The following SLC35B4 variants were observed in gnomAD, a reference collection of about 807,000 sequenced individuals.
SLC35B4 encodes the protein solute carrier family 35 member B4.
SLC35B4 carries 28 observed loss-of-function variants against 39.5 expected under a neutral mutation model. The observed-to-expected ratio is 0.71, with a 90% CI of 0.53 to 0.97. The LOEUF is 0.97. Among genes scored for constraint, SLC35B4 ranks in the 50% least tolerant of loss-of-function variants. SLC35B4 has a pLI of 0.00. For synonymous variants in SLC35B4, 145 were observed against 150.4 expected (o/e 0.96, Z 0.26); for missense variants, 334 against 414.3 (o/e 0.81, Z 1.68).
rs1157284280 is a variant in SLC35B4 at position 134,291,185 on chromosome 7, GAATA to G, written c.*3644_*3647del. ...TCAGCCTCCATTTTGAGCTGTAACAGAATAAACAAACATTTCTACATTAACCCTT... is the reference window on the plus strand; with the variant it reads ...TCAGCCTCCATTTTGAGCTGTAACAGAACAAACATTTCTACATTAACCCTT... On this transcript the variant is annotated 3_prime_UTR_variant, in exon 10 of 10. Transcript: ENST00000378509. 2.0e-5 allele frequency: 3 copies of G among 152,142 alleles called. No homozygotes were observed. The highest frequency in any genetic ancestry group is 4.4e-5 in the Non-Finnish European group (3 of 68,034). 9.4% of individuals were successfully genotyped at this position (152,142 alleles called of 1,614,324 possible).
chr7:134,312,773 G>A (rs925881526), intron 1 of SLC35B4, among the ~76,000 whole-genome samples: 1 of 152,212 alleles, frequency 6.6e-6, no homozygotes, highest in African/African-American at 2.4e-5. Context: ...AAGACGCTGA[G>A]GGTCCCATTG....
chr7:134,317,710 A>G (rs535725957), upstream of SLC35B4, among the ~76,000 whole-genome samples: 5 of 150,676 alleles, frequency 3.3e-5, no homozygotes, highest in East Asian at 9.6e-4. Context: ...TGGAATTCTC[A>G]TAGCACTTAC....
chr7:134,316,591 G>A, intron 1 of SLC35B4, 84 bp downstream of exon 1: 1 of 1,413,354 alleles, frequency 7.1e-7, no homozygotes, highest in Non-Finnish European at 9.7e-7. Context: ...GGGACAGGGC[G>A]TGGGCGCGTC....
At chr7:134,318,005 T>G (rs1372748812), upstream of SLC35B4, among the ~76,000 whole-genome samples, 1 of 152,216 alleles carries the variant, frequency 6.6e-6, no homozygotes, top group Non-Finnish European at 1.5e-5. Context: ...GGTACAAAGC[T>G]AGGTAGGATT....
At position 134,289,481 on chromosome 7, in the gene SLC35B4, T is replaced by G. The variant is rs894252486; in HGVS notation, c.*5352A>C. The G allele has an allele frequency of 6.5e-6, 1 of 152,672 alleles. No individual in the cohort carries two copies. The highest frequency in any genetic ancestry group is 1.5e-5 in the Non-Finnish European group (1 of 68,068). The allele number at this position is 152,672 out of a possible 1,614,324, so 9.5% of individuals were successfully genotyped here. A position where few individuals can be genotyped will look rare whatever the true frequency, so the allele number is the denominator to read the frequency against. Reference sequence around the variant, plus strand: ...AATGTCTTGTAGCTGTTCTACGTACTCTCAGCTTTCTACTCCCTCCTCCCC... The same window carrying G: ...AATGTCTTGTAGCTGTTCTACGTACGCTCAGCTTTCTACTCCCTCCTCCCC... On this transcript the variant is annotated 3_prime_UTR_variant, in exon 10 of 10. Transcript: ENST00000378509.
intron 8 of SLC35B4, chr7:134,299,318 T>C: frequency 2.1e-6 from 1 of 480,798 alleles, no homozygotes; most frequent in Non-Finnish European, 3.7e-6. Flanking sequence ...CTCGAAGATA[T>C]TCTTTTACTT....
chr7:134,318,874 G>A (rs1188155880), upstream of SLC35B4, among the ~76,000 whole-genome samples: 1 of 152,196 alleles, frequency 6.6e-6, no homozygotes, highest in Non-Finnish European at 1.5e-5. Context: ...ACTGCAGTGA[G>A]TATTAATTTA....
intron 6 of SLC35B4, among the ~76,000 whole-genome samples, chr7:134,300,584 C>G (rs1047784836): frequency 6.6e-6 from 1 of 152,084 alleles, no homozygotes; most frequent in Admixed American, 6.6e-5. Flanking sequence ...AAATAGAATG[C>G]TTTTAATGAC....
chr7:134,300,879 A>T (rs570262344), intron 6 of SLC35B4, among the ~76,000 whole-genome samples: 88 of 152,170 alleles, frequency 5.8e-4, no homozygotes, highest in African/African-American at 2.1e-3. Flanking sequence ...ATAACCATTT[A>T]TCATCTTGCC....
At chr7:134,300,875 A>C (rs1803565143) in intron 6 of SLC35B4, among the ~76,000 whole-genome samples, 1 of 152,138 alleles carries the variant, frequency 6.6e-6, no homozygotes, top group Non-Finnish European at 1.5e-5. Context: ...TGAGATAACC[A>C]TTTATCATCT....
At chr7:134,296,494 A>T in intron 8 of SLC35B4, 28 bp from the exon 9 acceptor site, 1 of 1,576,220 alleles carries the variant, frequency 6.3e-7, no homozygotes, top group African/African-American at 1.3e-5. Flanking sequence ...GGATATAGCC[A>T]TATTGCTTTT....
At chr7:134,306,922 T>A in intron 2 of SLC35B4, 148 bp from the exon 3 acceptor site, 1 of 545,694 alleles carries the variant, frequency 1.8e-6, no homozygotes, top group Non-Finnish European at 3.3e-6. Flanking sequence ...TGTCAACTAC[T>A]AAGTACATAT....
At chr7:134,299,444 C>T in intron 8 of SLC35B4, 79 bp downstream of exon 8, 2 of 1,146,538 alleles carry the variant, frequency 1.7e-6, no homozygotes, top group Non-Finnish European at 2.6e-6. Context: ...ATGAAAAAGG[C>T]CGAGGTCAAG....
chr7:134,316,656 G>C lies in SLC35B4; in HGVS notation c.77+19C>G. 1.9e-6 allele frequency: 3 copies of C among 1,548,946 alleles called. No individual in the cohort carries two copies. The highest frequency in any genetic ancestry group is 2.6e-6 in the Non-Finnish European group (3 of 1,146,420). Reference sequence around the variant, plus strand: ...GCCCCGCCCCGGGAGACCGGGTGCGGCCCGAGCGGGTCACTCACCGGGCCA... The same window carrying C: ...GCCCCGCCCCGGGAGACCGGGTGCGCCCCGAGCGGGTCACTCACCGGGCCA... On this transcript the variant is annotated intron_variant, in intron 1 of 9. Coordinates refer to ENST00000378509, the MANE Select transcript of SLC35B4 (RefSeq NM_032826.5).
intron 2 of SLC35B4, 74 bp downstream of exon 2, chr7:134,309,292 T>G: frequency 1.4e-6 from 1 of 698,370 alleles, no homozygotes; most frequent in African/African-American, 1.9e-5. Context: ...TGTCTCATCC[T>G]CCTTTTATAC....
Position 134,294,693 on chromosome 7 carries a change from A to G in SLC35B4, c.*140T>C, listed in dbSNP as rs1803416825. ...ATGTGTCAGTCTGAGCAACGTGAGA[A>G]GTCCCCTCCTGAAGATTTCCTTTTG... On this transcript the variant is annotated 3_prime_UTR_variant, in exon 10 of 10. Transcript: ENST00000378509. 1.9e-6 allele frequency: 2 copies of G among 1,036,426 alleles called. No individual in the cohort carries two copies. Among genetic ancestry groups the G allele is most frequent in the African/African-American group, 3.2e-5 (2 of 62,150 alleles). The allele number at this position is 1,036,426 out of a possible 1,614,324, so 64.2% of individuals were successfully genotyped here. A position where few individuals can be genotyped will look rare whatever the true frequency, so the allele number is the denominator to read the frequency against.
At chr7:134,303,101 G>C (rs572854967) in intron 4 of SLC35B4, among the ~76,000 whole-genome samples, 33 of 152,240 alleles carry the variant, frequency 2.2e-4, no homozygotes, top group African/African-American at 6.3e-4. Context: ...ATGAACTTGA[G>C]GGGCTTCTAC....
chr7:134,304,986 G>T, intron 3 of SLC35B4, 132 bp from the exon 4 acceptor site: 1 of 696,948 alleles, frequency 1.4e-6, no homozygotes, highest in Non-Finnish European at 2.5e-6. Context: ...AATTAGTAAA[G>T]ATTTAGTTGT....
intron 6 of SLC35B4, 72 bp downstream of exon 6, chr7:134,301,689 A>G (rs1803584667): frequency 1.1e-5 from 15 of 1,401,786 alleles, no homozygotes; most frequent in Non-Finnish European, 1.5e-5. Context: ...GCCAAGAAAC[A>G]TTTCTCTTAG....
Sources: allele counts gnomAD v4.1 joint callset (sites outside exome capture counted in the v4.1 genomes callset), GRCh38; gene constraint gnomAD v4.1.1; transcripts MANE v1.5; gene names NCBI Gene and HGNC (gene_info 2026-07-23, HGNC 2026-07-21).